NT5E: variants seen among roughly 807,000 people sequenced by gnomAD.
The protein encoded by NT5E is 5'-nucleotidase ecto, also known as 5'-nucleotidase.
A neutral mutation model predicts 55.1 loss-of-function variants in NT5E; 53 were observed. That is an observed-to-expected ratio of 0.96 (90% CI 0.77 to 1.21). The LOEUF is 1.21. Ranked by LOEUF, NT5E falls within the 50% of genes most tolerant of loss-of-function variation. The probability of loss-of-function intolerance (pLI) is 0.00; values close to 1 mark genes in which losing one functional copy is unlikely to be tolerated. For synonymous variants in NT5E, 270 were observed against 278.4 expected, an observed-to-expected ratio of 0.97 and a Z score of 0.30; for missense variants, 683 against 724.3, an observed-to-expected ratio of 0.94 and a Z score of 0.65.
At position 85,492,181 on chromosome 6, in the gene NT5E, A is replaced by G. The variant is rs1173956827; in HGVS notation, c.1561+4A>G. On this transcript the variant is annotated splice_donor_region_variant and intron_variant, in intron 8 of 8. Coordinates refer to ENST00000257770, the MANE Select transcript of NT5E (RefSeq NM_002526.4). Reference sequence around the variant, plus strand: ...GAATTATTAAGACATGACTCTGGTAAGCATGACTGTCTCTTCCTTTCTCTA... The same window carrying G: ...GAATTATTAAGACATGACTCTGGTAGGCATGACTGTCTCTTCCTTTCTCTA... The G allele has an allele frequency of 1.2e-6, 2 of 1,613,516 alleles. No homozygotes were observed. Among genetic ancestry groups the G allele is most frequent in the South Asian group, 2.2e-5 (2 of 91,074 alleles).
intron 1 of NT5E, among the ~76,000 whole-genome samples, chr6:85,462,759 G>A (rs1769121242): frequency 6.6e-6 from 1 of 152,218 alleles, no homozygotes; most frequent in Non-Finnish European, 1.5e-5. Context: ...CTTTTCAGAA[G>A]TCAGGATTTG....
At chr6:85,485,162 G>A in intron 3 of NT5E, 73 bp from the exon 4 acceptor site, 1 of 1,438,632 alleles carries the variant, frequency 7.0e-7, no homozygotes, top group South Asian at 1.2e-5. Context: ...CATCCAGCCA[G>A]TAGCCCGCTG....
At chr6:85,453,825 A>G (rs145142148) in intron 1 of NT5E, among the ~76,000 whole-genome samples, 556 of 152,274 alleles carry the variant, frequency 3.7e-3, no homozygotes, top group Admixed American at 6.6e-3. Flanking sequence ...AGTCAGATAG[A>G]TGGTCCTTTG....
intron 3 of NT5E, among the ~76,000 whole-genome samples, chr6:85,474,975 G>A (rs1409927142): frequency 1.3e-5 from 2 of 152,016 alleles, no homozygotes; most frequent in Non-Finnish European, 2.9e-5. Flanking sequence ...GGTAATTCCA[G>A]GACACAATAG....
intron 3 of NT5E, among the ~76,000 whole-genome samples, chr6:85,481,565 C>A (rs1183615400): frequency 1.3e-5 from 2 of 152,138 alleles, no homozygotes; most frequent in East Asian, 3.9e-4. Context: ...TTCCACTTTA[C>A]AGATGAATAA....
intron 5 of NT5E, among the ~76,000 whole-genome samples, chr6:85,488,245 G>A (rs919245373): frequency 5.3e-5 from 8 of 152,174 alleles, no homozygotes; most frequent in African/African-American, 1.4e-4. Context: ...CTCCTATGTC[G>A]GACTACTACT....
At chr6:85,476,238 G>C (rs1274403818) in intron 3 of NT5E, among the ~76,000 whole-genome samples, 1 of 152,184 alleles carries the variant, frequency 6.6e-6, no homozygotes, top group African/African-American at 2.4e-5. Flanking sequence ...CTTCACTTCT[G>C]GGGCCACAGG....
intron 2 of NT5E, among the ~76,000 whole-genome samples, chr6:85,470,738 G>A (rs570296146): frequency 1.3e-5 from 2 of 152,168 alleles, no homozygotes; most frequent in Non-Finnish European, 1.5e-5. Flanking sequence ...CACTGTGCCT[G>A]GCCTGCTGGC....
At chr6:85,451,420 C>CA in intron 1 of NT5E, among the ~76,000 whole-genome samples, 1 of 152,004 alleles carries the variant, frequency 6.6e-6, no homozygotes. Context: ...AAAGGTAATG[C>CA]CTTTTCTATT....
At position 85,492,103 on chromosome 6, in the gene NT5E, T is replaced by A; in HGVS notation, c.1487T>A (p.Ile496Asn). 4 of 1,614,198 alleles carry A rather than the reference T, an allele frequency of 2.5e-6. No homozygotes were observed. The highest frequency in any genetic ancestry group is 3.4e-6 in the Non-Finnish European group (4 of 1,180,014). The change falls in exon 8 of 9, where the codon ATC becomes AAC. Residue 496 changes from isoleucine to asparagine, a missense_variant. Physicochemically the swap from Ile to Asn is moderately radical, Grantham distance 149 (BLOSUM62 -3). Transcript: ENST00000257770. ...AAAATGGACGAGGTATATAAGGTGA[T>A]CCTCCCAAACTTCCTGGCCAATGGT... ...PLKMDEVYKV[I>N]LPNFLANGGD...
At chr6:85,461,872 C>T (rs1285047284) in intron 1 of NT5E, among the ~76,000 whole-genome samples, 1 of 152,066 alleles carries the variant, frequency 6.6e-6, no homozygotes, top group Non-Finnish European at 1.5e-5. Flanking sequence ...GCTCCTTCTG[C>T]CCCCAATCTC....
At chr6:85,475,774 C>T (rs1211026734) in intron 3 of NT5E, among the ~76,000 whole-genome samples, 2 of 152,102 alleles carry the variant, frequency 1.3e-5, no homozygotes, top group African/African-American at 4.8e-5. Context: ...CTAGCTATGG[C>T]CTTGGGTGAA....
chr6:85,477,492 A>G (rs2127722607), intron 3 of NT5E, among the ~76,000 whole-genome samples: 1 of 152,334 alleles, frequency 6.6e-6, no homozygotes, highest in Admixed American at 6.5e-5. Flanking sequence ...ATATAATTAT[A>G]ACTAAGACAG....
At chr6:85,457,551 T>C (rs927131771) in intron 1 of NT5E, among the ~76,000 whole-genome samples, 3 of 152,142 alleles carry the variant, frequency 2.0e-5, no homozygotes, top group Non-Finnish European at 4.4e-5. Flanking sequence ...AGCTATTTCC[T>C]TGTGGAGAGA....
At chr6:85,488,891 T>TC (rs1192194989) in intron 5 of NT5E, among the ~76,000 whole-genome samples, 1 of 151,872 alleles carries the variant, frequency 6.6e-6, no homozygotes, top group East Asian at 1.9e-4. Flanking sequence ...CTTTTTTTTT[T>TC]TTTTTTTTCG....
At position 85,468,814 on chromosome 6, in the gene NT5E, G is replaced by C. The variant is rs1349908219; in HGVS notation, c.562+1532G>C. ...TTGGTGGAAAGGCACAGCAGCTCCA[G>C]AAATCAAACTGCCCCAGCTGGGACT... On this transcript the variant is annotated intron_variant, in intron 2 of 8. Coordinates refer to ENST00000257770, the MANE Select transcript of NT5E (RefSeq NM_002526.4). Among the ~76,000 whole-genome samples, 4 of 152,206 alleles carry C rather than the reference G, an allele frequency of 2.6e-5. No homozygotes were observed. In the East Asian group the frequency reaches 7.8e-4, roughly 29 times the overall value.
chr6:85,453,881 G>A (rs1160170556), intron 1 of NT5E, among the ~76,000 whole-genome samples: 1 of 152,210 alleles, frequency 6.6e-6, no homozygotes, highest in Non-Finnish European at 1.5e-5. Context: ...TAATGTGTTT[G>A]ATGGACTGCA....
intron 3 of NT5E, among the ~76,000 whole-genome samples, chr6:85,475,400 C>G (rs1476374308): frequency 6.6e-6 from 1 of 152,152 alleles, no homozygotes; most frequent in African/African-American, 2.4e-5. Flanking sequence ...GAAAGTTATT[C>G]CAGTTTCTTT....
rs1222516933 is a variant in NT5E, at chr6:85,494,669, CT to C, written c.*666del. The C allele has an allele frequency of 1.3e-5, 2 of 152,866 alleles. No homozygotes were observed. The highest frequency in any genetic ancestry group is 2.9e-5 in the Non-Finnish European group (2 of 68,546). The allele number at this position is 152,866 out of a possible 1,614,324, so 9.5% of individuals were successfully genotyped here. The stretch of plus-strand genomic sequence containing the variant: ...TCTCTATTTTTTCACTTTATAGCTC[CT>C]GTTATAATAGCAAGTTTAATGGTAT... On this transcript the variant is annotated 3_prime_UTR_variant, in exon 9 of 9. Coordinates refer to ENST00000257770, the MANE Select transcript of NT5E (RefSeq NM_002526.4).
Sources: allele counts gnomAD v4.1 joint callset (sites outside exome capture counted in the v4.1 genomes callset), GRCh38; gene constraint gnomAD v4.1.1; transcripts MANE v1.5; gene names NCBI Gene and HGNC (gene_info 2026-07-23, HGNC 2026-07-21).